The following AGTPBP1 variants were observed in gnomAD, a reference collection of about 807,000 sequenced individuals.
AGTPBP1 encodes ATP/GTP binding carboxypeptidase 1.
A neutral mutation model predicts 143.9 loss-of-function variants in AGTPBP1; 70 were observed. That is an observed-to-expected ratio of 0.49 (90% CI 0.40 to 0.59). AGTPBP1 has a LOEUF of 0.59. AGTPBP1 is among the 20% of genes least tolerant of loss of function. The pLI is 0.00. For synonymous variants in AGTPBP1, 463 were observed against 500.2 expected, an observed-to-expected ratio of 0.93 and a Z score of 0.99; for missense variants, 1,229 against 1,464.5, an observed-to-expected ratio of 0.84 and a Z score of 2.62.
the AGTPBP1 span, among the ~76,000 whole-genome samples, chr9:85,783,144 A>AAC: frequency 3.3e-5 from 5 of 152,216 alleles, no homozygotes; most frequent in African/African-American, 4.8e-5. Context: ...TCTTTAACCA[A>AAC]ACACACACAC....
chr9:85,672,532 A>T lies in AGTPBP1; in HGVS notation c.568+18T>A. The T allele has an allele frequency of 6.2e-7, 1 of 1,602,904 alleles. No individual in the cohort carries two copies. The highest frequency in any genetic ancestry group is 8.5e-7 in the Non-Finnish European group (1 of 1,176,536). ...ACTTTACAACACTGAGTTAACTAAA[A>T]GCCACCTAAATACTCACAGTTGGCA... is the stretch of plus-strand genomic sequence containing the variant. On this transcript the variant is annotated intron_variant, in intron 7 of 25. Transcript: ENST00000357081.
At chr9:85,628,529 T>A (rs1157426353) in intron 14 of AGTPBP1, among the ~76,000 whole-genome samples, 2 of 152,092 alleles carry the variant, frequency 1.3e-5, no homozygotes, top group African/African-American at 2.4e-5. Context: ...TCAGAACACA[T>A]CTCCATCAAG....
intron 25 of AGTPBP1, among the ~76,000 whole-genome samples, chr9:85,560,349 G>C (rs1339270052): frequency 6.6e-6 from 1 of 152,188 alleles, no homozygotes; most frequent in African/African-American, 2.4e-5. Flanking sequence ...TTATAAAGAG[G>C]AGTTAGACCT....
chr9:85,733,458 A>G (rs1035060934), intron 1 of AGTPBP1, among the ~76,000 whole-genome samples: 1 of 152,198 alleles, frequency 6.6e-6, no homozygotes, highest in Non-Finnish European at 1.5e-5. Flanking sequence ...CAAAACTTAC[A>G]GGATATAGCA....
intron 3 of AGTPBP1, among the ~76,000 whole-genome samples, chr9:85,688,096 T>TAAAAAAAAAAAA (rs58523894): frequency 2.9e-4 from 10 of 34,656 alleles, no homozygotes; most frequent in Admixed American, 5.2e-4. Flanking sequence ...GTCTCAAAAT[T>TAAAAAAAAAAAA]AAAAAAAAAA....
At chr9:85,644,748 T>A (rs1480422438) in intron 12 of AGTPBP1, among the ~76,000 whole-genome samples, 1 of 151,230 alleles carries the variant, frequency 6.6e-6, no homozygotes, top group Non-Finnish European at 1.5e-5. Flanking sequence ...ACAAAGAAAA[T>A]GGAATCACAG....
intron 25 of AGTPBP1, among the ~76,000 whole-genome samples, chr9:85,566,309 C>T (rs181664304): frequency 6.8e-4 from 103 of 152,024 alleles, no homozygotes; most frequent in Middle Eastern, 6.8e-3. Context: ...TGCTCGAGCC[C>T]AGGAGTTCAA....
At chr9:85,786,146 T>C in the AGTPBP1 span, 1 of 1,608,350 alleles carries the variant, frequency 6.2e-7, no homozygotes, top group South Asian at 1.1e-5. Context: ...GGAGGCATGC[T>C]TTCAGAAGAA....
intron 13 of AGTPBP1, among the ~76,000 whole-genome samples, chr9:85,641,709 T>TA: frequency 6.6e-6 from 1 of 152,088 alleles, no homozygotes; most frequent in Non-Finnish European, 1.5e-5. Context: ...TGTTTCTTTT[T>TA]TTTTTTTAGA....
At chr9:85,556,080 C>T (rs533783957) in intron 25 of AGTPBP1, among the ~76,000 whole-genome samples, 2 of 152,162 alleles carry the variant, frequency 1.3e-5, no homozygotes, top group Admixed American at 1.3e-4. Flanking sequence ...AACAAACCCC[C>T]GTGACATGGG....
chr9:85,657,370 GTT>G (rs1030725506), intron 10 of AGTPBP1, 63 bp downstream of exon 10: 8 of 1,398,752 alleles, frequency 5.7e-6, no homozygotes, highest in Non-Finnish European at 7.8e-6. Flanking sequence ...CACTAATTCA[GTT>G]TTCTTAACAA....
intron 17 of AGTPBP1, among the ~76,000 whole-genome samples, chr9:85,613,426 G>A (rs370968638): frequency 6.6e-6 from 1 of 151,744 alleles, no homozygotes; most frequent in Non-Finnish European, 1.5e-5. Flanking sequence ...CCAAAAAATT[G>A]GAAAAAACTA....
intron 14 of AGTPBP1, among the ~76,000 whole-genome samples, chr9:85,626,052 C>T (rs537613906): frequency 6.6e-6 from 1 of 151,500 alleles, no homozygotes; most frequent in African/African-American, 2.4e-5. Context: ...CAAAAAAATG[C>T]ACCAAAAATG....
At chr9:85,681,999 T>C (rs1261378254) in intron 3 of AGTPBP1, among the ~76,000 whole-genome samples, 2 of 151,464 alleles carry the variant, frequency 1.3e-5, no homozygotes, top group Non-Finnish European at 2.9e-5. Flanking sequence ...CCACCTGCCT[T>C]GGCTTCCCAA....
chr9:85,720,705 G>T (rs1319972416), intron 1 of AGTPBP1, among the ~76,000 whole-genome samples: 1 of 151,768 alleles, frequency 6.6e-6, no homozygotes, highest in African/African-American at 2.4e-5. Flanking sequence ...CCTTCTGCTA[G>T]CTTTTCAATT....
chr9:85,603,409 G>C (rs1829792954), intron 17 of AGTPBP1, among the ~76,000 whole-genome samples: 1 of 152,064 alleles, frequency 6.6e-6, no homozygotes, highest in African/African-American at 2.4e-5. Context: ...ACACACCCTG[G>C]GCCAGAAGAG....
intron 8 of AGTPBP1, 142 bp from the exon 9 acceptor site, chr9:85,661,115 G>A (rs1034007474): frequency 2.2e-5 from 14 of 626,136 alleles, no homozygotes; most frequent in South Asian, 6.7e-5. Context: ...AATTACACAT[G>A]GTATTTCTCC....
Position 85,741,902 on chromosome 9 carries a change from C to T in AGTPBP1, c.-161G>A. The T allele has an allele frequency of 7.5e-6, 10 of 1,341,800 alleles. No individual in the cohort carries two copies. Among genetic ancestry groups the T allele is most frequent in the Non-Finnish European group, 8.6e-6 (9 of 1,050,544 alleles). The allele number at this position is 1,341,800 out of a possible 1,614,324, so 83.1% of individuals were successfully genotyped here. On this transcript the variant is annotated 5_prime_UTR_variant, in exon 1 of 26. Coordinates refer to ENST00000357081, the MANE Select transcript of AGTPBP1 (RefSeq NM_001330701.2). The stretch of plus-strand genomic sequence containing the variant: ...ATACAAACCCCGGTGGCAGGCGAGG[C>T]GGAGGCGGCGGCGGCGGCAGCTGCG...
chr9:85,600,699 T>A (rs921851672), intron 17 of AGTPBP1, among the ~76,000 whole-genome samples: 1 of 152,050 alleles, frequency 6.6e-6, no homozygotes, highest in South Asian at 2.1e-4. Context: ...GGGAGCTGCT[T>A]CGAGACTGCA....
Sources: allele counts gnomAD v4.1 joint callset (sites outside exome capture counted in the v4.1 genomes callset), GRCh38; gene constraint gnomAD v4.1.1; transcripts MANE v1.5; gene names NCBI Gene and HGNC (gene_info 2026-07-23, HGNC 2026-07-21).